Variants in RNF216 observed in about 807,000 individuals in gnomAD.
RNF216 encodes the protein E3 ubiquitin-protein ligase RNF216.
In RNF216, 72 loss-of-function variants were observed where a neutral mutation model predicts 110.8. That is an observed-to-expected ratio of 0.65 (90% confidence interval 0.54 to 0.79). RNF216 has a LOEUF of 0.79. Ranked by LOEUF, RNF216 falls within the 30% of genes least tolerant of loss-of-function variation. The pLI is 0.00. For synonymous variants in RNF216, 495 were observed against 407.5 expected, an observed-to-expected ratio of 1.21 and a Z score of -2.59; for missense variants, 1,342 against 1,141.2, an observed-to-expected ratio of 1.18 and a Z score of -2.54.
At chr7:5,646,498 C>A (rs1788056711) in intron 14 of RNF216, among the ~76,000 whole-genome samples, 1 of 151,964 alleles carries the variant, frequency 6.6e-6, no homozygotes, top group Admixed American at 6.6e-5. Context: ...TCGAGACTAT[C>A]CTGGCTAACA....
chr7:5,778,964 G>C (rs962314862), intron 1 of RNF216, among the ~76,000 whole-genome samples: 1 of 152,174 alleles, frequency 6.6e-6, no homozygotes, highest in Non-Finnish European at 1.5e-5. Flanking sequence ...GGCTGGTCTC[G>C]AACTCCTGAC....
intron 1 of RNF216, among the ~76,000 whole-genome samples, chr7:5,776,738 A>T: frequency 6.6e-6 from 1 of 151,456 alleles, no homozygotes; most frequent in Non-Finnish European, 1.5e-5. Flanking sequence ...GACTCTACTA[A>T]AAAAATACAA....
chr7:5,744,680 G>A (rs1474836317), intron 3 of RNF216, among the ~76,000 whole-genome samples: 1 of 152,022 alleles, frequency 6.6e-6, no homozygotes, highest in African/African-American at 2.4e-5. Flanking sequence ...AAGAAATAAA[G>A]AAAACTTCTG....
chr7:5,712,789 C>T lies in RNF216; in HGVS notation c.1908G>A (p.Gln636=). The T allele has an allele frequency of 9.9e-6, 16 of 1,614,050 alleles. No homozygotes were observed. Among genetic ancestry groups the T allele is most frequent in the Non-Finnish European group, 1.4e-5 (16 of 1,180,010 alleles). The change falls in exon 12 of 17, where the codon CAG becomes CAA. Residue 636 remains glutamine (Q), a synonymous_variant. Transcript: ENST00000389902. ...GCTCATAGTACTTATACAGGATGGTCTGGGGGAGCACCTTCTCCAGCTCAC... is the reference window on the plus strand; with the variant it reads ...GCTCATAGTACTTATACAGGATGGTTTGGGGGAGCACCTTCTCCAGCTCAC... The part of the protein sequence containing the change: ...PTSELEKVLP[Q]TILYKYYERK...
At chr7:5,673,256 T>TCC (rs1562812536) in intron 13 of RNF216, among the ~76,000 whole-genome samples, 1 of 152,176 alleles carries the variant, frequency 6.6e-6, no homozygotes, top group Non-Finnish European at 1.5e-5. Flanking sequence ...GCATGGCCTC[T>TCC]CCCCGCCCAC....
At chr7:5,777,510 G>A (rs1796849740) in intron 1 of RNF216, 1 of 152,208 alleles carries the variant, frequency 6.6e-6, no homozygotes, top group South Asian at 2.1e-4. Context: ...AAGAATACAA[G>A]ACACTGACTG....
intron 15 of RNF216, among the ~76,000 whole-genome samples, chr7:5,640,126 C>T (rs1222840630): frequency 6.6e-6 from 1 of 151,282 alleles, no homozygotes; most frequent in Non-Finnish European, 1.5e-5. Flanking sequence ...TTGAACTCCT[C>T]GGCTCCAGCG....
chr7:5,747,981 G>A (rs958385397), intron 3 of RNF216, among the ~76,000 whole-genome samples: 3 of 151,936 alleles, frequency 2.0e-5, no homozygotes, highest in Admixed American at 2.0e-4. Flanking sequence ...TCACCTATGA[G>A]GTCAGGGTTC....
chr7:5,720,014 T>G (rs1290964218), intron 9 of RNF216, among the ~76,000 whole-genome samples: 3 of 152,220 alleles, frequency 2.0e-5, no homozygotes, highest in Non-Finnish European at 2.9e-5. Context: ...AAAGACATTT[T>G]CAGGTGAAAC....
At chr7:5,705,768 G>A (rs560309424) in intron 13 of RNF216, among the ~76,000 whole-genome samples, 18 of 151,570 alleles carry the variant, frequency 1.2e-4, no homozygotes, top group African/African-American at 4.1e-4. Context: ...TTAGCCGGGC[G>A]TGGTGGCACA....
At chr7:5,772,514 C>T (rs1225302762) in intron 1 of RNF216, among the ~76,000 whole-genome samples, 1 of 152,004 alleles carries the variant, frequency 6.6e-6, no homozygotes, top group Non-Finnish European at 1.5e-5. Flanking sequence ...TTAAGCGATT[C>T]AATCCTTTCC....
intron 13 of RNF216, among the ~76,000 whole-genome samples, chr7:5,687,780 C>G (rs1264875310): frequency 2.0e-5 from 3 of 152,202 alleles, no homozygotes; most frequent in African/African-American, 7.2e-5. Context: ...TTCCAAGGAC[C>G]TAAGTTTAAA....
intron 1 of RNF216, among the ~76,000 whole-genome samples, chr7:5,773,226 C>CT (rs949935492): frequency 6.6e-6 from 1 of 151,492 alleles, no homozygotes; most frequent in Non-Finnish European, 1.5e-5. Context: ...TAATCAAGTC[C>CT]TTTTTTTTCC....
In RNF216 at chr7:5,763,984, T is replaced by G. The variant is rs552052613; in HGVS notation, c.-69-2846A>C. Among the ~76,000 whole-genome samples, 22 of 149,978 alleles carry G rather than the reference T, an allele frequency of 1.5e-4. 1 individual carries two copies. The South Asian group carries it at 4.6e-3, about 32-fold the overall frequency. On this transcript the variant is annotated intron_variant, in intron 1 of 16. Coordinates refer to ENST00000389902, the MANE Select transcript of RNF216 (RefSeq NM_207111.4). Reference sequence around the variant, plus strand: ...CAGGCGGATCACTCGAGGTCAGGAGTTTGAGACCAGCCTGGCCAACATGGG... The same window carrying G: ...CAGGCGGATCACTCGAGGTCAGGAGGTTGAGACCAGCCTGGCCAACATGGG...
At chr7:5,715,977 G>C (rs550290942) in intron 10 of RNF216, among the ~76,000 whole-genome samples, 1 of 152,034 alleles carries the variant, frequency 6.6e-6, no homozygotes, top group Non-Finnish European at 1.5e-5. Flanking sequence ...CCCTGACCTC[G>C]TGATGTGCCT....
intron 13 of RNF216, among the ~76,000 whole-genome samples, chr7:5,656,125 C>T (rs1021444512): frequency 4.6e-5 from 7 of 152,056 alleles, no homozygotes; most frequent in Non-Finnish European, 8.8e-5. Context: ...AAAAATTAGC[C>T]GGGCATGGTG....
At chr7:5,692,945 A>AT (rs1456253189) in intron 13 of RNF216, among the ~76,000 whole-genome samples, 1 of 152,194 alleles carries the variant, frequency 6.6e-6, no homozygotes, top group Non-Finnish European at 1.5e-5. Flanking sequence ...TTCCAAATAG[A>AT]TTTTATGTCT....
chr7:5,739,978 G>A (rs891002169), intron 4 of RNF216, among the ~76,000 whole-genome samples: 64 of 149,350 alleles, frequency 4.3e-4, no homozygotes, highest in Non-Finnish European at 7.4e-4. Flanking sequence ...ACCCCAGCCT[G>A]GGTGACAGAG....
intron 5 of RNF216, among the ~76,000 whole-genome samples, chr7:5,737,104 T>TA (rs1794465334): frequency 6.6e-6 from 1 of 152,242 alleles, no homozygotes; most frequent in African/African-American, 2.4e-5. Context: ...GGGGAAAAGA[T>TA]AGAGAAATCA....
Sources: gnomAD v4.1 joint callset for allele counts (sites outside exome capture counted in the v4.1 genomes callset) on GRCh38, gnomAD v4.1.1 for gene constraint, MANE v1.5 for transcripts, NCBI Gene and HGNC (gene_info 2026-07-23, HGNC 2026-07-21) for gene names.